The following INPP4B variants were observed in gnomAD, a reference collection of about 807,000 sequenced individuals.
INPP4B encodes the protein inositol polyphosphate-4-phosphatase type II B.
In INPP4B, 55 loss-of-function variants were observed where a neutral mutation model predicts 122.5. The observed-to-expected ratio is 0.45, with a 90% CI of 0.36 to 0.56. INPP4B has a LOEUF of 0.56. INPP4B is among the 20% of genes least tolerant of loss of function. The pLI is 0.00. For missense variants in INPP4B, 1,000 were observed against 1,097.7 expected (o/e 0.91, Z 1.26); for synonymous variants, 403 against 388.7 (o/e 1.04, Z -0.43).
chr4:142,822,232 CTA>C lies in INPP4B; in HGVS notation c.-254+23975_-254+23976del, dbSNP rs746986225. On this transcript the variant is annotated intron_variant, in intron 1 of 25. Coordinates refer to ENST00000262992, the MANE Select transcript of INPP4B (RefSeq NM_001101669.3). ...CTCACGGTATGTTTACTGTGCAGCA[CTA>C]TGTCAAGCACTTTAAGTGCATTATC... 7.2e-5 allele frequency among the ~76,000 whole-genome samples: 11 copies of C among 152,318 alleles called. No homozygotes were observed. The East Asian group carries it at 7.7e-4, about 11-fold the overall frequency.
chr4:142,444,563 G>T lies in INPP4B; in HGVS notation c.-126-13178C>A, dbSNP rs188840450. On this transcript the variant is annotated intron_variant, in intron 3 of 25. Transcript: ENST00000262992. ...CACTCCCACCACACTGTTGGTGGGA[G>T]TGTAAATTAGTTCAACCACTGTAGA... Among the ~76,000 whole-genome samples, 411 of 152,110 alleles carry T rather than the reference G, an allele frequency of 2.7e-3. 2 individuals carry two copies. The highest frequency in any genetic ancestry group is 3.4e-3 in the Non-Finnish European group (231 of 68,004).
chr4:142,749,423 CAA>C lies in INPP4B; in HGVS notation c.-253-23524_-253-23523del, dbSNP rs1157578548. On this transcript the variant is annotated intron_variant, in intron 1 of 25. Coordinates refer to ENST00000262992, the MANE Select transcript of INPP4B (RefSeq NM_001101669.3). ...CAAGTAAATCTAACAATATGGTCTT[CAA>C]AAGAGTCAAACTTACAAAGGCATAC... 3.7e-4 allele frequency among the ~76,000 whole-genome samples: 55 copies of C among 149,614 alleles called. 1 individual carries two copies. In the Admixed American group the frequency reaches 3.7e-3, roughly 10 times the overall value.
chr4:142,558,793 T>TAAAAAAAAAAAAAAAAAA (rs34151070), intron 2 of INPP4B, among the ~76,000 whole-genome samples: 7 of 75,548 alleles, frequency 9.3e-5, no homozygotes, highest in African/African-American at 3.5e-4. Flanking sequence ...AGACTCCCTC[T>TAAAAAAAAAAAAAAAAAA]AAAAAAAAAA....
intron 18 of INPP4B, among the ~76,000 whole-genome samples, chr4:142,142,820 T>C (rs1808561199): frequency 6.6e-6 from 1 of 152,142 alleles, no homozygotes; most frequent in Non-Finnish European, 1.5e-5. Context: ...GTGATGAATA[T>C]GGTAATTACT....
At chr4:142,438,025 TA>T (rs1339815160) in intron 3 of INPP4B, among the ~76,000 whole-genome samples, 2 of 152,086 alleles carry the variant, frequency 1.3e-5, no homozygotes, top group Non-Finnish European at 2.9e-5. Context: ...AGGAGAACTA[TA>T]AACCACTGCT....
chr4:142,831,359 A>G (rs922939945), intron 1 of INPP4B, among the ~76,000 whole-genome samples: 4 of 152,242 alleles, frequency 2.6e-5, no homozygotes, highest in African/African-American at 9.6e-5. Context: ...TTGACTGTAC[A>G]GAAGTCTTCA....
At chr4:142,627,479 T>C (rs1352712385) in intron 2 of INPP4B, among the ~76,000 whole-genome samples, 1 of 140,852 alleles carries the variant, frequency 7.1e-6, no homozygotes, top group Non-Finnish European at 1.5e-5. Flanking sequence ...TTGAATTTTG[T>C]CAAAGGCTTT....
chr4:142,384,395 C>T (rs1337759154), intron 7 of INPP4B, among the ~76,000 whole-genome samples: 2 of 152,146 alleles, frequency 1.3e-5, no homozygotes, highest in African/African-American at 2.4e-5. Flanking sequence ...ATAGTATTGC[C>T]TACTACATAC....
chr4:142,326,579 T>C (rs1237687107), intron 7 of INPP4B, among the ~76,000 whole-genome samples: 3 of 152,172 alleles, frequency 2.0e-5, no homozygotes, highest in Admixed American at 2.0e-4. Flanking sequence ...CCATTTCCTC[T>C]CTTTCTCTAC....
At chr4:142,366,339 A>AAT (rs1425583281) in intron 7 of INPP4B, among the ~76,000 whole-genome samples, 1 of 152,006 alleles carries the variant, frequency 6.6e-6, no homozygotes, top group Non-Finnish European at 1.5e-5. Context: ...GCTCACAAAA[A>AAT]AAAAAAAGTG....
At chr4:142,494,146 C>A (rs879919484) in intron 2 of INPP4B, among the ~76,000 whole-genome samples, 3 of 152,106 alleles carry the variant, frequency 2.0e-5, no homozygotes, top group Non-Finnish European at 4.4e-5. Flanking sequence ...GAGGCCTCCC[C>A]AGTCATGCTG....
At chr4:142,245,522 G>A (rs956690734) in intron 11 of INPP4B, among the ~76,000 whole-genome samples, 7 of 151,946 alleles carry the variant, frequency 4.6e-5, no homozygotes, top group African/African-American at 7.2e-5. Flanking sequence ...ATCGATGTTC[G>A]TCAGGGATAT....
chr4:142,516,188 G>A (rs1825393386), intron 2 of INPP4B, among the ~76,000 whole-genome samples: 1 of 152,048 alleles, frequency 6.6e-6, no homozygotes, highest in South Asian at 2.1e-4. Flanking sequence ...AGGACTCTGA[G>A]GATCTCAATT....
At chr4:142,809,174 T>G (rs1427970035) in intron 1 of INPP4B, among the ~76,000 whole-genome samples, 2 of 152,266 alleles carry the variant, frequency 1.3e-5, no homozygotes, top group African/African-American at 4.8e-5. Flanking sequence ...TCAATATTTT[T>G]ATTTAAAAAG....
chr4:142,390,532 T>C (rs372210116), intron 7 of INPP4B, among the ~76,000 whole-genome samples: 4 of 152,190 alleles, frequency 2.6e-5, no homozygotes, highest in African/African-American at 9.6e-5. Context: ...TTCTGACTTA[T>C]AACTTTGAGA....
Position 142,244,981 on chromosome 4 carries a change from G to T in INPP4B, c.689-6970C>A, listed in dbSNP as rs2150075334. Reference sequence around the variant, plus strand: ...TTACATTTCTCTAATGACCAGTGATGATGAGTTATTTTTCATATGCCTGTG... The same window carrying T: ...TTACATTTCTCTAATGACCAGTGATTATGAGTTATTTTTCATATGCCTGTG... On this transcript the variant is annotated intron_variant, in intron 11 of 25. Coordinates refer to ENST00000262992, the MANE Select transcript of INPP4B (RefSeq NM_001101669.3). Among the ~76,000 whole-genome samples the T allele has an allele frequency of 2.0e-5, 3 of 152,312 alleles. No individual in the cohort carries two copies. The South Asian group carries it at 6.2e-4, about 32-fold the overall frequency.
chr4:142,303,734 C>T (rs1383302536), intron 9 of INPP4B, among the ~76,000 whole-genome samples: 2 of 151,948 alleles, frequency 1.3e-5, no homozygotes, highest in Non-Finnish European at 2.9e-5. Flanking sequence ...GTCAATTCTT[C>T]GTTGTTGAAT....
chr4:142,549,245 C>A (rs2150069261), intron 2 of INPP4B, among the ~76,000 whole-genome samples: 2 of 152,204 alleles, frequency 1.3e-5, no homozygotes, highest in Non-Finnish European at 2.9e-5. Flanking sequence ...GGTCTATGTT[C>A]ACCCCCATCA....
intron 2 of INPP4B, among the ~76,000 whole-genome samples, chr4:142,643,989 C>T (rs1173360824): frequency 1.3e-5 from 2 of 151,840 alleles, no homozygotes; most frequent in African/African-American, 4.8e-5. Flanking sequence ...TCATTTGAGG[C>T]CAGGAGTTCC....
Sources: allele counts gnomAD v4.1 joint callset (sites outside exome capture counted in the v4.1 genomes callset), GRCh38; gene constraint gnomAD v4.1.1; transcripts MANE v1.5; gene names NCBI Gene and HGNC (gene_info 2026-07-23, HGNC 2026-07-21).